The following ADAMTS20 variants were observed in gnomAD, a reference collection of about 807,000 sequenced individuals.
ADAMTS20 encodes ADAM metallopeptidase with thrombospondin type 1 motif 20.
Under a neutral mutation model 260.1 loss-of-function variants are expected in ADAMTS20, and 225 were observed. The ratio of observed to expected loss-of-function variants is 0.87; its 90% confidence interval spans 0.78 to 0.97. The LOEUF is 0.97. ADAMTS20 is among the 50% of genes least tolerant of loss of function. ADAMTS20 has a pLI of 0.00. For synonymous variants in ADAMTS20, 802 were observed against 769.5 expected (o/e 1.04, Z -0.70); for missense variants, 2,400 against 2,337.7 (o/e 1.03, Z -0.55).
chr12:43,551,384 G>C lies in ADAMTS20; in HGVS notation c.92-114C>G, dbSNP rs1010038032. 1.4e-6 allele frequency: 2 copies of C among 1,433,698 alleles called. No homozygotes were observed. Among genetic ancestry groups the C allele is most frequent in the Admixed American group, 2.4e-5 (1 of 41,242 alleles). 88.8% of individuals were successfully genotyped at this position (1,433,698 alleles called of 1,614,324 possible). On this transcript the variant is annotated intron_variant, in intron 1 of 38. Coordinates refer to ENST00000389420, the MANE Select transcript of ADAMTS20 (RefSeq NM_025003.5). The surrounding 1 kb of genome is among the most constrained non-coding windows in gnomAD (Gnocchi z 4.6). ...GTCCCAGGTCCCAGTACAGCCAGGG[G>C]CAAGACAAATGCACACATGCTGATG...
intron 3 of ADAMTS20, among the ~76,000 whole-genome samples, chr12:43,522,766 C>T (rs1190742319): frequency 6.6e-6 from 1 of 152,064 alleles, no homozygotes; most frequent in Non-Finnish European, 1.5e-5. Context: ...TTTTTAATTG[C>T]TTGCTTTACC....
intron 8 of ADAMTS20, among the ~76,000 whole-genome samples, chr12:43,468,136 T>C (rs1425544953): frequency 6.6e-6 from 1 of 152,042 alleles, no homozygotes; most frequent in African/African-American, 2.4e-5. Context: ...GTGAATACTT[T>C]AAAAAAAATC....
Position 43,376,271 on chromosome 12 carries a change from C to T in ADAMTS20, c.5185G>A (p.Asp1729Asn). The T allele has an allele frequency of 6.4e-7, 1 of 1,555,854 alleles. No individual in the cohort carries two copies. Among genetic ancestry groups the T allele is most frequent in the South Asian group, 1.2e-5 (1 of 84,362 alleles). ...CTTCCCTTAATGTTAAGGTAATAGT[C>T]ACCATCCTTTCTAATGTGGTTTTTC... ...QVKNHIRKDG[D>N]YYLNIKGRII... The change falls in exon 34 of 39, where the codon GAC becomes AAC. Residue 1729 changes from aspartate to asparagine, a missense_variant. Asp to Asn is a conservative substitution (Grantham distance 23). Transcript: ENST00000389420.
At chr12:43,523,051 C>T (rs1943093597) in intron 3 of ADAMTS20, among the ~76,000 whole-genome samples, 3 of 152,174 alleles carry the variant, frequency 2.0e-5, no homozygotes, top group African/African-American at 7.2e-5. Flanking sequence ...AATCTGTAGG[C>T]CCACCTATTT....
chr12:43,374,396 G>A (rs1940176584), intron 36 of ADAMTS20, among the ~76,000 whole-genome samples: 1 of 152,100 alleles, frequency 6.6e-6, no homozygotes, highest in South Asian at 2.1e-4. Context: ...CTAGTGAAAT[G>A]CACTTTTTTG....
chr12:43,479,422 T>A (rs1278202178), intron 7 of ADAMTS20, among the ~76,000 whole-genome samples: 4 of 152,134 alleles, frequency 2.6e-5, no homozygotes, highest in Non-Finnish European at 5.9e-5. Flanking sequence ...TTTTCTTAAA[T>A]TGGCTACATA....
chr12:43,540,670 A>G (rs2137520399), intron 2 of ADAMTS20, among the ~76,000 whole-genome samples: 1 of 152,260 alleles, frequency 6.6e-6, no homozygotes, highest in East Asian at 1.9e-4. Flanking sequence ...ATAGAATTGT[A>G]CTTAGATCAT....
chr12:43,377,289 T>C, intron 32 of ADAMTS20, 76 bp downstream of exon 32: 2 of 1,354,368 alleles, frequency 1.5e-6, no homozygotes, highest in Non-Finnish European at 2.0e-6. Context: ...TAGTTAGACA[T>C]ACAAACAGAT....
intron 28 of ADAMTS20, among the ~76,000 whole-genome samples, chr12:43,419,410 G>T (rs1941188425): frequency 6.6e-6 from 1 of 152,010 alleles, no homozygotes; most frequent in Non-Finnish European, 1.5e-5. Flanking sequence ...CTATTGGAAG[G>T]TAACACACAA....
intron 37 of ADAMTS20, among the ~76,000 whole-genome samples, chr12:43,362,341 G>C (rs1939888048): frequency 1.3e-5 from 2 of 152,152 alleles, no homozygotes; most frequent in South Asian, 4.1e-4. Flanking sequence ...GGACAGTCCT[G>C]GGAAGGCAAC....
intron 3 of ADAMTS20, among the ~76,000 whole-genome samples, chr12:43,531,098 A>G (rs1454289845): frequency 2.0e-5 from 3 of 152,078 alleles, no homozygotes; most frequent in Non-Finnish European, 4.4e-5. Flanking sequence ...GAAAATTGAT[A>G]TATGAACTGT....
chr12:43,530,175 CA>C (rs147222338), intron 3 of ADAMTS20, among the ~76,000 whole-genome samples: 13 of 150,066 alleles, frequency 8.7e-5, no homozygotes, highest in Admixed American at 2.7e-4. Flanking sequence ...AACTGTTTAA[CA>C]AAAAAAAAGC....
At chr12:43,438,747 T>C (rs1006414491) in intron 18 of ADAMTS20, among the ~76,000 whole-genome samples, 12 of 152,174 alleles carry the variant, frequency 7.9e-5, no homozygotes, top group Non-Finnish European at 1.0e-4. Flanking sequence ...GACCCACTCC[T>C]GCCCTAATTC....
intron 4 of ADAMTS20, among the ~76,000 whole-genome samples, chr12:43,500,836 G>C (rs1019497137): frequency 6.6e-6 from 1 of 151,954 alleles, no homozygotes; most frequent in African/African-American, 2.4e-5. Flanking sequence ...AGAATTTAAG[G>C]TAAAATGTCA....
At chr12:43,406,425 G>C (rs1940921190) in intron 28 of ADAMTS20, among the ~76,000 whole-genome samples, 1 of 152,000 alleles carries the variant, frequency 6.6e-6, no homozygotes, top group Non-Finnish European at 1.5e-5. Flanking sequence ...AATGATGTTT[G>C]AGTGATTATA....
chr12:43,427,184 A>G (rs1024545739), intron 27 of ADAMTS20, 124 bp downstream of exon 27: 60 of 1,223,590 alleles, frequency 4.9e-5, no homozygotes, highest in Non-Finnish European at 6.3e-5. Context: ...AAAAACAAAA[A>G]AAACAAAAAT....
intron 4 of ADAMTS20, among the ~76,000 whole-genome samples, chr12:43,500,126 T>C (rs1942736879): frequency 6.6e-6 from 1 of 151,570 alleles, no homozygotes; most frequent in African/African-American, 2.4e-5. Flanking sequence ...TCTCCTGGGC[T>C]CAAGCGATTC....
At chr12:43,421,633 G>A (rs902185692) in intron 28 of ADAMTS20, among the ~76,000 whole-genome samples, 2 of 151,906 alleles carry the variant, frequency 1.3e-5, no homozygotes, top group African/African-American at 4.8e-5. Context: ...TTGGTCATAA[G>A]CATATCTATT....
chr12:43,519,390 C>T lies in ADAMTS20; in HGVS notation c.613+12646G>A, dbSNP rs865974097. The stretch of plus-strand genomic sequence containing the variant: ...TCCTACAACCCTCTTTCCTCCCTCA[C>T]TGCACTTGTACAGGATAGTCCTGCA... On this transcript the variant is annotated intron_variant, in intron 3 of 38. Transcript: ENST00000389420. Among the ~76,000 whole-genome samples the T allele has an allele frequency of 4.6e-5, 7 of 152,130 alleles. No individual in the cohort carries two copies. The South Asian group carries it at 1.2e-3, about 27-fold the overall frequency.
Sources: gnomAD v4.1 joint callset for allele counts (sites outside exome capture counted in the v4.1 genomes callset) on GRCh38, gnomAD v4.1.1 for gene constraint, Gnocchi (gnomAD v3.1) non-coding constraint, MANE v1.5 for transcripts, NCBI Gene and HGNC (gene_info 2026-07-23, HGNC 2026-07-21) for gene names.